The following DET1 variants were observed in gnomAD, a reference collection of about 807,000 sequenced individuals.
DET1 encodes DET1 homolog.
Under a neutral mutation model 43.7 loss-of-function variants are expected in DET1, and 22 were observed. The observed-to-expected ratio is 0.50, with a 90% CI of 0.36 to 0.72. The LOEUF (loss-of-function observed/expected upper bound fraction) is 0.72, where lower values mean the gene tolerates loss of function less well. DET1 is among the 30% of genes least tolerant of loss of function. The probability of loss-of-function intolerance (pLI) is 0.00; values close to 1 mark genes in which losing one functional copy is unlikely to be tolerated. For missense variants in DET1, 713 were observed against 713.3 expected (o/e 1.00, Z 0.00); for synonymous variants, 315 against 266.2 (o/e 1.18, Z -1.79).
intron 1 of DET1, among the ~76,000 whole-genome samples, chr15:88,537,011 G>A (rs946377013): frequency 6.6e-6 from 1 of 151,986 alleles, no homozygotes; most frequent in Non-Finnish European, 1.5e-5. Context: ...TTCATATTCT[G>A]TCTCCTTCTG....
At chr15:88,536,065 C>G (rs2056940783) in intron 1 of DET1, among the ~76,000 whole-genome samples, 1 of 152,180 alleles carries the variant, frequency 6.6e-6, no homozygotes, top group Non-Finnish European at 1.5e-5. Context: ...AACCACGTAT[C>G]ACCTATAGAG....
At chr15:88,520,631 C>A (rs919306144) in intron 3 of DET1, among the ~76,000 whole-genome samples, 7 of 152,198 alleles carry the variant, frequency 4.6e-5, no homozygotes, top group African/African-American at 1.4e-4. Flanking sequence ...TTATCTTTGA[C>A]TTTGTTCTTT....
chr15:88,502,624 TG>T (rs1159365143), intron 8 of DET1: 3 of 152,228 alleles, frequency 2.0e-5, no homozygotes, highest in African/African-American at 7.2e-5. Context: ...GTGCTGCAAA[TG>T]CTCCCTGCAG....
intron 1 of DET1, among the ~76,000 whole-genome samples, chr15:88,532,109 C>A (rs558809456): frequency 6.6e-6 from 1 of 152,228 alleles, no homozygotes; most frequent in Admixed American, 6.5e-5. Flanking sequence ...CAAGCCCAGC[C>A]TGGAAAACAT....
At position 88,524,521 on chromosome 15, in the gene DET1, G is replaced by A. The variant is rs540455847; in HGVS notation, c.1271+3078C>T. On this transcript the variant is annotated intron_variant, in intron 3 of 4. Transcript: ENST00000268148. ...ATGGCGGTTTTGTCGAATAGAAAAG[G>A]GGGAAATGTGGGGAAAAGAAAGAGA... is the stretch of plus-strand genomic sequence containing the variant. 2.2e-3 allele frequency among the ~76,000 whole-genome samples: 340 copies of A among 152,316 alleles called. 2 individuals carry two copies. The highest frequency in any genetic ancestry group is 7.9e-3 in the African/African-American group (328 of 41,528).
rs547698835 is a variant in DET1, at chr15:88,521,840, C to T, written c.1272-4867G>A. Among the ~76,000 whole-genome samples, 3 of 151,760 alleles carry T rather than the reference C, an allele frequency of 2.0e-5. No homozygotes were observed. The East Asian group carries it at 5.8e-4, about 29-fold the overall frequency. On this transcript the variant is annotated intron_variant, in intron 3 of 4. Transcript: ENST00000268148. Reference sequence around the variant, plus strand: ...CAATGTTCTCTTTATCACCAATGTTCCAAAATTTCATGATGATATGCCTCT... The same window carrying T: ...CAATGTTCTCTTTATCACCAATGTTTCAAAATTTCATGATGATATGCCTCT...
At chr15:88,514,694 C>A (rs1035397025) in intron 4 of DET1, among the ~76,000 whole-genome samples, 6 of 152,078 alleles carry the variant, frequency 3.9e-5, no homozygotes, top group Admixed American at 2.6e-4. Context: ...ATGATGCTAA[C>A]CGTGATTACA....
At chr15:88,523,323 T>C (rs1441825122) in intron 3 of DET1, among the ~76,000 whole-genome samples, 1 of 152,204 alleles carries the variant, frequency 6.6e-6, no homozygotes, top group Admixed American at 6.5e-5. Flanking sequence ...ATTTCATTGA[T>C]TTTTACCAAA....
At position 88,539,090 on chromosome 15, in the gene DET1, G is replaced by A. The variant is rs575285486; in HGVS notation, c.-10-7375C>T. On this transcript the variant is annotated intron_variant, in intron 1 of 4. Transcript: ENST00000268148. ...GGGAGCTGAGCCTTGGTTTCTGGCAGACCGCTCTCTCTCTCTCTCTCTCTC... is the reference window on the plus strand; with the variant it reads ...GGGAGCTGAGCCTTGGTTTCTGGCAAACCGCTCTCTCTCTCTCTCTCTCTC... Among the ~76,000 whole-genome samples, 828 of 100,640 alleles carry A rather than the reference G, an allele frequency of 8.2e-3. 10 individuals are homozygous for A. Among genetic ancestry groups the A allele is most frequent in the African/African-American group, 0.035 (785 of 22,300 alleles). The allele number at this position is 100,640 out of a possible 152,430, so 66.0% of individuals were successfully genotyped here.
In DET1 at chr15:88,544,249, G is replaced by A. The variant is rs116930361; in HGVS notation, c.-11+2291C>T. Among the ~76,000 whole-genome samples, 1,195 of 152,146 alleles carry A rather than the reference G, an allele frequency of 7.9e-3. 7 individuals carry two copies. Among genetic ancestry groups the A allele is most frequent in the Non-Finnish European group, 0.011 (739 of 67,986 alleles). The stretch of plus-strand genomic sequence containing the variant: ...TCTGGGCAGGTAGAACACATGAACC[G>A]CACCCTAAAAAGACACTCTTACAAA... On this transcript the variant is annotated intron_variant, in intron 1 of 4. Coordinates refer to ENST00000268148, the MANE Select transcript of DET1 (RefSeq NM_001144074.3).
chr15:88,542,332 G>A (rs2057131191), intron 1 of DET1, among the ~76,000 whole-genome samples: 1 of 152,106 alleles, frequency 6.6e-6, no homozygotes, highest in African/African-American at 2.4e-5. Context: ...AGCCTTGGAC[G>A]ATTTTCACTG....
chr15:88,535,715 C>T (rs2056930559), intron 1 of DET1, among the ~76,000 whole-genome samples: 1 of 151,654 alleles, frequency 6.6e-6, no homozygotes, highest in Non-Finnish European at 1.5e-5. Context: ...GAGATCATGC[C>T]ACTGCACTCC....
chr15:88,530,496 G>A (rs1188318885), intron 2 of DET1, 127 bp downstream of exon 2: 3 of 1,442,522 alleles, frequency 2.1e-6, no homozygotes, highest in Non-Finnish European at 2.7e-6. Context: ...TTAAGTTTGG[G>A]CCCTAGGATA....
chr15:88,530,183 C>A (rs1025591277), intron 2 of DET1, among the ~76,000 whole-genome samples: 1 of 152,116 alleles, frequency 6.6e-6, no homozygotes, highest in Admixed American at 6.5e-5. Flanking sequence ...TGACATTAAC[C>A]ATTTAAGGAT....
intron 1 of DET1, among the ~76,000 whole-genome samples, chr15:88,540,463 T>TA (rs531746270): frequency 0.017 from 2,390 of 136,584 alleles, 26 homozygotes; most frequent in African/African-American, 0.036. Context: ...AATTGCCTTC[T>TA]AAAAAAAAAA....
chr15:88,531,701 T>C lies in DET1; in HGVS notation c.5A>G (p.Asp2Gly). 6.2e-7 allele frequency: 1 copy of C among 1,604,446 alleles called. No homozygotes were observed. The highest frequency in any genetic ancestry group is 1.3e-5 in the African/African-American group (1 of 74,832). Residue 2 changes from aspartate (D) to glycine (G), a missense_variant, in exon 2 of 5, where the codon GAT becomes GGT. Asp to Gly is a moderately conservative substitution (Grantham distance 94, BLOSUM62 -1). Coordinates refer to ENST00000268148, the MANE Select transcript of DET1 (RefSeq NM_001144074.3). This position sits in a 1 kb window ranked among gnomAD's most constrained non-coding sequence, Gnocchi z 6.2. ...AGGCTTGATGGTAGAAACATGATGATCCATTATCACATCTCTAAACAGAAA... is the reference window on the plus strand; with the variant it reads ...AGGCTTGATGGTAGAAACATGATGACCCATTATCACATCTCTAAACAGAAA... M[D>G]HHVSTIKPRR...
intron 1 of DET1, among the ~76,000 whole-genome samples, chr15:88,538,725 G>T (rs983328613): frequency 2.0e-5 from 3 of 152,184 alleles, no homozygotes; most frequent in African/African-American, 7.2e-5. Context: ...GGCCGGCTCA[G>T]AGGGGGTTAC....
intron 7 of DET1, among the ~76,000 whole-genome samples, chr15:88,506,469 G>A (rs1223011333): frequency 2.7e-5 from 4 of 150,890 alleles, no homozygotes; most frequent in Non-Finnish European, 5.9e-5. Context: ...GCTATAAAGG[G>A]TATATACTGA....
intron 1 of DET1, among the ~76,000 whole-genome samples, chr15:88,535,713 G>A (rs1336494541): frequency 1.3e-5 from 2 of 151,848 alleles, no homozygotes; most frequent in Non-Finnish European, 2.9e-5. Context: ...CTGAGATCAT[G>A]CCACTGCACT....
Sources: allele counts gnomAD v4.1 joint callset (sites outside exome capture counted in the v4.1 genomes callset), GRCh38; gene constraint gnomAD v4.1.1; non-coding constraint Gnocchi (gnomAD v3.1); transcripts MANE v1.5; gene names NCBI Gene and HGNC (gene_info 2026-07-23, HGNC 2026-07-21).